The following CALB2 variants were observed in gnomAD, a reference collection of about 807,000 sequenced individuals.
CALB2 encodes calbindin 2.
A neutral mutation model predicts 45.9 loss-of-function variants in CALB2; 34 were observed. The observed-to-expected ratio is 0.74, with a 90% CI of 0.56 to 0.99. The LOEUF is 0.99. Ranked by LOEUF, CALB2 falls within the 50% of genes least tolerant of loss-of-function variation. The pLI is 0.00. For missense variants in CALB2, 344 were observed against 339.3 expected (o/e 1.01, Z -0.11); for synonymous variants, 142 against 129.6 (o/e 1.10, Z -0.65).
chr16:71,386,742 G>T (rs1333820974), intron 10 of CALB2, among the ~76,000 whole-genome samples: 2 of 152,298 alleles, frequency 1.3e-5, no homozygotes, highest in Non-Finnish European at 2.9e-5. Context: ...CACCGCCTTG[G>T]CTGACAAGCA....
intron 1 of CALB2, among the ~76,000 whole-genome samples, chr16:71,366,100 C>T (rs937159646): frequency 3.9e-5 from 5 of 129,504 alleles, no homozygotes; most frequent in African/African-American, 1.2e-4. Flanking sequence ...GATCTTGGCT[C>T]ACTGCAAGCT....
At chr16:71,365,868 AC>A (rs1273179422) in intron 1 of CALB2, among the ~76,000 whole-genome samples, 3 of 151,368 alleles carry the variant, frequency 2.0e-5, no homozygotes, top group Non-Finnish European at 2.9e-5. Flanking sequence ...CTTTGAAAAC[AC>A]CCCCTTCCCC....
intron 2 of CALB2, among the ~76,000 whole-genome samples, chr16:71,373,993 G>C (rs1451661664): frequency 2.6e-5 from 4 of 152,206 alleles, no homozygotes; most frequent in Non-Finnish European, 5.9e-5. Flanking sequence ...TCAGCTGAGT[G>C]AGGCAGAAAC....
intron 4 of CALB2, among the ~76,000 whole-genome samples, chr16:71,379,273 A>ATAAG (rs1222465990): frequency 2.5e-5 from 1 of 40,046 alleles, no homozygotes; most frequent in East Asian, 9.6e-4. Context: ...ACTCTGTCTA[A>ATAAG]TAAATAAATA....
chr16:71,378,430 C>T (rs1040479109), intron 4 of CALB2, among the ~76,000 whole-genome samples: 27 of 151,444 alleles, frequency 1.8e-4, no homozygotes, highest in Non-Finnish European at 3.1e-4. Context: ...TGGTGGTGCA[C>T]ACCTGTAGTC....
intron 5 of CALB2, 90 bp from the exon 6 acceptor site, chr16:71,383,277 T>C: frequency 8.7e-7 from 1 of 1,144,828 alleles, no homozygotes. Flanking sequence ...CACACACACA[T>C]TGAGAGACTG....
At chr16:71,374,549 C>A (rs1313326648) in intron 2 of CALB2, among the ~76,000 whole-genome samples, 196 bp from the exon 3 acceptor site, 2 of 152,076 alleles carry the variant, frequency 1.3e-5, no homozygotes, top group African/African-American at 4.8e-5. Flanking sequence ...TATGACTGAG[C>A]CTTGAAGAAG....
intron 4 of CALB2, among the ~76,000 whole-genome samples, chr16:71,381,409 C>CAAA (rs72039915): frequency 1.5e-5 from 2 of 134,578 alleles, no homozygotes; most frequent in Admixed American, 7.3e-5. Context: ...TGTCTTGTGA[C>CAAA]AAAAAAAAAA....
chr16:71,385,044 G>A (rs2042554494), intron 9 of CALB2, among the ~76,000 whole-genome samples: 1 of 152,170 alleles, frequency 6.6e-6, no homozygotes, highest in African/African-American at 2.4e-5. Context: ...TCTGCAGAGT[G>A]CAGCCGAGAA....
At position 71,358,924 on chromosome 16, in the gene CALB2, C is replaced by T. The variant is rs750207842; in HGVS notation, c.94+38C>T. The T allele has an allele frequency of 8.5e-5, 133 of 1,570,954 alleles. 1 individual carries two copies. In the Middle Eastern group the frequency reaches 1.7e-3, roughly 20 times the overall value. ...CCCAACTTCTGTGCCCATTGGCACC[C>T]AGGGGACCTGCGGTGAAGGGGGCAG... On this transcript the variant is annotated intron_variant, in intron 1 of 10. Transcript: ENST00000302628.
At chr16:71,363,878 T>C (rs1448286243) in intron 1 of CALB2, among the ~76,000 whole-genome samples, 1 of 152,162 alleles carries the variant, frequency 6.6e-6, no homozygotes, top group Admixed American at 6.5e-5. Flanking sequence ...AAGATTAAAG[T>C]TGTCAGAGGA....
intron 1 of CALB2, among the ~76,000 whole-genome samples, chr16:71,359,976 A>G (rs1490397780): frequency 6.6e-6 from 1 of 152,228 alleles, no homozygotes; most frequent in Non-Finnish European, 1.5e-5. Context: ...CTGTCTCCAG[A>G]AGACAAGTTC....
intron 2 of CALB2, 45 bp downstream of exon 2, chr16:71,372,274 A>G: frequency 7.0e-7 from 1 of 1,429,202 alleles, no homozygotes; most frequent in Non-Finnish European, 9.8e-7. Flanking sequence ...TTCCTGACCT[A>G]TGCCTTTGAG....
intron 4 of CALB2, among the ~76,000 whole-genome samples, chr16:71,382,338 G>A (rs2042508882): frequency 6.6e-6 from 1 of 152,140 alleles, no homozygotes; most frequent in African/African-American, 2.4e-5. Flanking sequence ...CAGATGATGT[G>A]GTAAAAGGCA....
At chr16:71,387,407 A>G (rs948670203) in intron 10 of CALB2, among the ~76,000 whole-genome samples, 1 of 151,982 alleles carries the variant, frequency 6.6e-6, no homozygotes, top group Admixed American at 6.5e-5. Flanking sequence ...GAATGAGTAG[A>G]AAGAGAGAGC....
intron 1 of CALB2, among the ~76,000 whole-genome samples, chr16:71,366,417 G>A (rs1296538665): frequency 2.2e-5 from 3 of 135,058 alleles, no homozygotes; most frequent in Admixed American, 8.4e-5. Context: ...TGCAACCTCC[G>A]CCTCCTGGGT....
intron 6 of CALB2, 37 bp downstream of exon 6, chr16:71,383,481 A>G: frequency 6.3e-7 from 1 of 1,591,776 alleles, no homozygotes; most frequent in Non-Finnish European, 8.6e-7. Flanking sequence ...CCCAGGGTGC[A>G]GGACTTGTGC....
intron 4 of CALB2, among the ~76,000 whole-genome samples, chr16:71,380,092 G>C (rs1274987475): frequency 2.0e-5 from 3 of 151,952 alleles, no homozygotes; most frequent in Non-Finnish European, 4.4e-5. Context: ...CTGATAGAGA[G>C]ACAGCCAAAA....
At position 71,372,610 on chromosome 16, in the gene CALB2, G is replaced by C. The variant is rs945180524; in HGVS notation, c.171+381G>C. ...ATGCCCAGGAGGTTTCAAGTGCCCT[G>C]ATTCTAGACCAGAGTTTCTCAGCCT... On this transcript the variant is annotated intron_variant, in intron 2 of 10. Coordinates refer to ENST00000302628, the MANE Select transcript of CALB2 (RefSeq NM_001740.5). Among the ~76,000 whole-genome samples the C allele has an allele frequency of 3.3e-5, 5 of 152,306 alleles. No homozygotes were observed. In the East Asian group the frequency reaches 9.6e-4, roughly 29 times the overall value.
Sources: allele counts gnomAD v4.1 joint callset (sites outside exome capture counted in the v4.1 genomes callset), GRCh38; gene constraint gnomAD v4.1.1; transcripts MANE v1.5; gene names NCBI Gene and HGNC (gene_info 2026-07-23, HGNC 2026-07-21).